The following MARF1 variants were observed in gnomAD, a reference collection of about 807,000 sequenced individuals.
The protein encoded by MARF1 is limkain-b1.
Under a neutral mutation model 168.2 loss-of-function variants are expected in MARF1, and 24 were observed. The observed-to-expected ratio is 0.14, with a 90% CI of 0.10 to 0.20. MARF1 has a LOEUF of 0.20. Among genes scored for constraint, MARF1 ranks in the 10% least tolerant of loss-of-function variants. MARF1 has a pLI of 1.00. For synonymous variants in MARF1, 868 were observed against 822.4 expected (o/e 1.06, Z -0.95); for missense variants, 1,744 against 2,143.6 (o/e 0.81, Z 3.68).
In MARF1 at chr16:15,615,901, T is replaced by C; in HGVS notation, c.3182A>G (p.Asn1061Ser). Residue 1061 changes from asparagine to serine, a missense_variant, in exon 16 of 27, where the codon AAC becomes AGC. Transcript: ENST00000396368. ...EHFITCVPGV[N>S]IATAQNGIKV... is the part of the protein sequence containing the mutation. ...GATGCCATTCTGAGCAGTGGCAATG[T>C]TTACACCTGGAACACAGGTAATGAA... The C allele has an allele frequency of 6.2e-7, 1 of 1,604,588 alleles. No individual in the cohort carries two copies. Among genetic ancestry groups the C allele is most frequent in the Non-Finnish European group, 8.5e-7 (1 of 1,174,976 alleles).
chr16:15,638,099 G>A (rs2035714062), intron 2 of MARF1, among the ~76,000 whole-genome samples: 1 of 152,128 alleles, frequency 6.6e-6, no homozygotes, highest in African/African-American at 2.4e-5. Flanking sequence ...TAGGGACAGT[G>A]GTTGCAGTGA....
At chr16:15,640,347 A>G (rs1036123775) in intron 1 of MARF1, among the ~76,000 whole-genome samples, 1 of 152,214 alleles carries the variant, frequency 6.6e-6, no homozygotes, top group African/African-American at 2.4e-5. Flanking sequence ...TAACTGATAG[A>G]AAAATCTCAA....
chr16:15,606,276 C>A (rs565156948), intron 21 of MARF1, among the ~76,000 whole-genome samples: 3 of 152,262 alleles, frequency 2.0e-5, no homozygotes, highest in Admixed American at 2.0e-4. Flanking sequence ...CACTGACATT[C>A]TTGTCAATAT....
chr16:15,602,494 C>A (rs760156473), intron 22 of MARF1: 3 of 544,956 alleles, frequency 5.5e-6, no homozygotes, highest in Admixed American at 6.2e-5. Context: ...AAGACGAAGA[C>A]AAGACGAAGA....
chr16:15,612,303 G>A (rs2033640850), intron 17 of MARF1, among the ~76,000 whole-genome samples: 1 of 148,246 alleles, frequency 6.7e-6, no homozygotes, highest in African/African-American at 2.4e-5. Flanking sequence ...CTGGGATGAA[G>A]AAGGTCTATA....
chr16:15,598,212 C>T (rs541685228), intron 26 of MARF1, among the ~76,000 whole-genome samples: 6 of 152,198 alleles, frequency 3.9e-5, no homozygotes, highest in Non-Finnish European at 7.3e-5. Flanking sequence ...GGGGCCACTG[C>T]CTCTCTAGTG....
intron 20 of MARF1, chr16:15,608,723 T>C (rs761684325): frequency 1.4e-5 from 8 of 569,534 alleles, no homozygotes; most frequent in East Asian, 2.8e-5. Flanking sequence ...ACAGGAGATA[T>C]AAAGATAGTT....
chr16:15,601,668 G>A (rs1036250341), intron 23 of MARF1: 38 of 419,280 alleles, frequency 9.1e-5, no homozygotes, highest in Non-Finnish European at 9.6e-5. Context: ...GCCCTGACAC[G>A]GCCCTCCTCA....
At chr16:15,612,389 T>C (rs2033647875) in intron 17 of MARF1, among the ~76,000 whole-genome samples, 168 bp downstream of exon 17, 2 of 152,152 alleles carry the variant, frequency 1.3e-5, no homozygotes, top group African/African-American at 2.4e-5. Flanking sequence ...TTCTGAAAAA[T>C]TGAGAAGCCG....
chr16:15,640,302 T>C (rs978080562), intron 1 of MARF1, among the ~76,000 whole-genome samples: 3 of 152,220 alleles, frequency 2.0e-5, no homozygotes, highest in Admixed American at 2.0e-4. Flanking sequence ...AGTTTACTAA[T>C]GATGAAAGTG....
At chr16:15,638,677 C>G (rs1194065929) in intron 2 of MARF1, among the ~76,000 whole-genome samples, 1 of 151,962 alleles carries the variant, frequency 6.6e-6, no homozygotes, top group Admixed American at 6.6e-5. Context: ...CAAGAGAAAT[C>G]TCGAAATAAA....
At chr16:15,642,011 T>G (rs1300944027) in intron 1 of MARF1, among the ~76,000 whole-genome samples, 1 of 152,156 alleles carries the variant, frequency 6.6e-6, no homozygotes, top group Non-Finnish European at 1.5e-5. Flanking sequence ...GGTCTCCAAT[T>G]TGACTGCGGT....
rs1409092127 is a variant in MARF1 at position 15,636,162 on chromosome 16, G to T, written c.325C>A (p.Pro109Thr). The T allele has an allele frequency of 6.2e-7, 1 of 1,614,096 alleles. No homozygotes were observed. The highest frequency in any genetic ancestry group is 1.1e-5 in the South Asian group (1 of 91,096). Reference protein sequence around the residue: ...VSCCAHCPNEPSTSPMRFGGG... With the variant: ...VSCCAHCPNETSTSPMRFGGG... ...CCAAAACGCATTGGCGAAGTGGAGG[G>T]TTCATTAGGGCAATGAGCACAGCAG... The change falls in exon 3 of 27, where the codon CCC becomes ACC. Residue 109 changes from proline to threonine, a missense_variant. By Grantham distance (38) the Pro-to-Thr change is conservative (BLOSUM62 -1). Around this residue, in one of 7 missense-constraint regions of MARF1, gnomAD observed 318 missense variants for 336.6 expected, o/e 0.94. Transcript: ENST00000396368.
At chr16:15,620,857 G>A (rs1453905288) in intron 12 of MARF1, among the ~76,000 whole-genome samples, 2 of 152,114 alleles carry the variant, frequency 1.3e-5, no homozygotes, top group Non-Finnish European at 2.9e-5. Context: ...TGTGATTGGC[G>A]TTCCCATAGA....
chr16:15,613,659 C>CTTAATAAATAAATAAA (rs2033775400), intron 16 of MARF1, among the ~76,000 whole-genome samples: 1 of 24,478 alleles, frequency 4.1e-5, no homozygotes, highest in Non-Finnish European at 7.2e-5. Context: ...GAGATTCCGT[C>CTTAATAAATAAATAAA]TCAATAAATA....
At position 15,611,391 on chromosome 16, in the gene MARF1, G is replaced by C. The variant is rs142582858; in HGVS notation, c.3617+201C>G. On this transcript the variant is annotated intron_variant, in intron 18 of 26. Coordinates refer to ENST00000396368, the MANE Select transcript of MARF1 (RefSeq NM_014647.4). ...GGACAACGGCATAAACCCGGGAGGC[G>C]GAGCTTGCAGTGAGCCAAGATCGTG... is the stretch of plus-strand genomic sequence containing the variant. Among the ~76,000 whole-genome samples the C allele has an allele frequency of 1.6e-3, 246 of 150,624 alleles. 1 individual carries two copies. The highest frequency in any genetic ancestry group is 3.4e-3 in the Middle Eastern group (1 of 294).
At chr16:15,613,658 T>C (rs2151126332) in intron 16 of MARF1, among the ~76,000 whole-genome samples, 1 of 26,372 alleles carries the variant, frequency 3.8e-5, no homozygotes, top group Middle Eastern at 0.019. Flanking sequence ...CGAGATTCCG[T>C]CTCAATAAAT....
intron 2 of MARF1, among the ~76,000 whole-genome samples, chr16:15,637,423 G>C (rs781666790): frequency 6.6e-6 from 1 of 152,218 alleles, no homozygotes; most frequent in Non-Finnish European, 1.5e-5. Flanking sequence ...GGGAGCATAG[G>C]CTCATCTGGA....
intron 11 of MARF1, 72 bp from the exon 12 acceptor site, chr16:15,621,983 C>G (rs977429851): frequency 2.8e-6 from 4 of 1,415,410 alleles, no homozygotes; most frequent in Non-Finnish European, 3.9e-6. Flanking sequence ...TGAAGGTGAA[C>G]CATGAAGGAA....
Sources: allele counts gnomAD v4.1 joint callset (sites outside exome capture counted in the v4.1 genomes callset), GRCh38; gene constraint gnomAD v4.1.1; regional missense constraint gnomAD v4.1.1; transcripts MANE v1.5; gene names NCBI Gene and HGNC (gene_info 2026-07-23, HGNC 2026-07-21).